Variants in NSUN6 observed in about 807,000 individuals in gnomAD.
NSUN6 encodes the protein tRNA (cytosine(72)-C(5))-methyltransferase NSUN6.
In NSUN6, 64 loss-of-function variants were observed where a neutral mutation model predicts 58.0. The ratio of observed to expected loss-of-function variants is 1.10; its 90% CI spans 0.90 to 1.36. The LOEUF (loss-of-function observed/expected upper bound fraction) is 1.36, where lower values mean the gene tolerates loss of function less well. NSUN6 is among the 40% of genes most tolerant of loss of function. The pLI is 0.00. For synonymous variants in NSUN6, 231 were observed against 193.9 expected (o/e 1.19, Z -1.59); for missense variants, 701 against 550.1 (o/e 1.27, Z -2.74).
In NSUN6 at chr10:18,548,483, C is replaced by T. The variant is rs113736340; in HGVS notation, c.1072-246G>A. Among the ~76,000 whole-genome samples the T allele has an allele frequency of 2.4e-4, 37 of 152,314 alleles. 1 individual carries two copies. The highest frequency in any genetic ancestry group is 8.4e-4 in the African/African-American group (35 of 41,574). ...CAAGACTTCCCCAAATATAATCATTCACCGTCATGCCTTTGGATACCATTT... is the reference window on the plus strand; with the variant it reads ...CAAGACTTCCCCAAATATAATCATTTACCGTCATGCCTTTGGATACCATTT... On this transcript the variant is annotated intron_variant, in intron 9 of 10. Transcript: ENST00000377304.
chr10:18,624,344 G>C (rs1249363248), intron 3 of NSUN6, among the ~76,000 whole-genome samples: 4 of 151,988 alleles, frequency 2.6e-5, no homozygotes, highest in Admixed American at 6.6e-5. Flanking sequence ...TGACAAGAGA[G>C]CCACTTTGAA....
At chr10:18,567,078 C>T (rs2056013305) in intron 8 of NSUN6, among the ~76,000 whole-genome samples, 1 of 151,400 alleles carries the variant, frequency 6.6e-6, no homozygotes, top group Non-Finnish European at 1.5e-5. Context: ...ATTCTCCATT[C>T]CATTCCATTT....
upstream of NSUN6, among the ~76,000 whole-genome samples, chr10:18,657,383 G>A (rs745624858): frequency 2.0e-5 from 3 of 152,034 alleles, no homozygotes; most frequent in African/African-American, 4.8e-5. Context: ...GGTGTTAAAA[G>A]TAAGTTAAAA....
chr10:18,622,592 T>A (rs1457659402), intron 3 of NSUN6, among the ~76,000 whole-genome samples: 2 of 152,164 alleles, frequency 1.3e-5, no homozygotes, highest in African/African-American at 4.8e-5. Context: ...CAGACGCCTG[T>A]AATTCCAGAT....
intron 8 of NSUN6, among the ~76,000 whole-genome samples, chr10:18,578,256 G>A (rs2056754942): frequency 9.0e-6 from 1 of 110,778 alleles, no homozygotes; most frequent in African/African-American, 3.5e-5. Context: ...TTTTTGAGAT[G>A]GAGTTTCACT....
At chr10:18,657,689 C>T (rs1271854260), upstream of NSUN6, among the ~76,000 whole-genome samples, 2 of 152,114 alleles carry the variant, frequency 1.3e-5, no homozygotes, top group African/African-American at 2.4e-5. Context: ...TCTCTGCTCC[C>T]TGCAACCTCT....
chr10:18,628,402 G>A (rs1279524623), intron 3 of NSUN6, among the ~76,000 whole-genome samples: 2 of 152,224 alleles, frequency 1.3e-5, no homozygotes, highest in Non-Finnish European at 2.9e-5. Context: ...AAAGCTGGAT[G>A]GAGAATGACT....
At chr10:18,553,899 G>A (rs1045751403) in intron 8 of NSUN6, among the ~76,000 whole-genome samples, 3 of 150,194 alleles carry the variant, frequency 2.0e-5, no homozygotes, top group East Asian at 2.0e-4. Flanking sequence ...GGAATGAGAT[G>A]GAGAATGGAA....
At chr10:18,559,178 G>A (rs1040651815) in intron 8 of NSUN6, among the ~76,000 whole-genome samples, 2 of 151,282 alleles carry the variant, frequency 1.3e-5, no homozygotes, top group Non-Finnish European at 1.5e-5. Context: ...ATGGAGAATA[G>A]AATGGAATGG....
intron 2 of NSUN6, among the ~76,000 whole-genome samples, chr10:18,648,056 T>C (rs1564849740): frequency 6.6e-6 from 1 of 152,182 alleles, no homozygotes; most frequent in Non-Finnish European, 1.5e-5. Context: ...TATTTTTTTA[T>C]GTCAATTAAC....
intron 9 of NSUN6, among the ~76,000 whole-genome samples, chr10:18,551,041 T>TA (rs988247645): frequency 3.9e-5 from 6 of 152,036 alleles, no homozygotes; most frequent in South Asian, 2.1e-4. Context: ...TCTATTTTTT[T>TA]AAAAAAAAGA....
chr10:18,618,999 G>A (rs1001216528), intron 3 of NSUN6, among the ~76,000 whole-genome samples: 4 of 152,090 alleles, frequency 2.6e-5, no homozygotes, highest in Non-Finnish European at 4.4e-5. Context: ...GAACATGCCC[G>A]ATCTCAGCTG....
At chr10:18,622,142 C>T (rs2058630415) in intron 3 of NSUN6, among the ~76,000 whole-genome samples, 1 of 151,964 alleles carries the variant, frequency 6.6e-6, no homozygotes, top group Admixed American at 6.6e-5. Context: ...CATGCTGAAA[C>T]CCGAACTCAA....
intron 3 of NSUN6, among the ~76,000 whole-genome samples, chr10:18,640,730 C>T (rs2059366382): frequency 2.0e-5 from 3 of 152,020 alleles, no homozygotes; most frequent in Admixed American, 2.0e-4. Flanking sequence ...CATTTAAGAT[C>T]TCTTCGTTTC....
intron 2 of NSUN6, among the ~76,000 whole-genome samples, chr10:18,647,199 G>A (rs771473342): frequency 6.6e-6 from 1 of 152,086 alleles, no homozygotes; most frequent in Non-Finnish European, 1.5e-5. Context: ...TTTTTAAAAG[G>A]GGATAAGTGA....
At chr10:18,642,890 G>A (rs12777777) in intron 2 of NSUN6, among the ~76,000 whole-genome samples, 1 of 152,082 alleles carries the variant, frequency 6.6e-6, no homozygotes. Context: ...AAAAGTTTCT[G>A]AATAAGATGT....
chr10:18,616,074 G>A lies in NSUN6; in HGVS notation c.421+110C>T, dbSNP rs866828852. The A allele has an allele frequency of 7.6e-6, 5 of 653,700 alleles. No homozygotes were observed. In the East Asian group the frequency reaches 8.5e-5, roughly 11 times the overall value. 40.5% of individuals were successfully genotyped at this position (653,700 alleles called of 1,614,324 possible). Reference sequence around the variant, plus strand: ...TAAATGCAAAGCTGGAAAAATACCCGACCAAGAAAAATTTGGAATATATCT... The same window carrying A: ...TAAATGCAAAGCTGGAAAAATACCCAACCAAGAAAAATTTGGAATATATCT... On this transcript the variant is annotated intron_variant, in intron 4 of 10. Coordinates refer to ENST00000377304, the MANE Select transcript of NSUN6 (RefSeq NM_182543.5).
chr10:18,568,025 C>G (rs1043302982), intron 8 of NSUN6, among the ~76,000 whole-genome samples: 6 of 150,620 alleles, frequency 4.0e-5, no homozygotes, highest in African/African-American at 1.5e-4. Context: ...GCATGCCATT[C>G]TATTCTCCAT....
At chr10:18,562,524 G>A (rs1359081043) in intron 8 of NSUN6, among the ~76,000 whole-genome samples, 1 of 148,570 alleles carries the variant, frequency 6.7e-6, no homozygotes, top group Non-Finnish European at 1.5e-5. Context: ...GAATGGAATA[G>A]AATGGAATGG....
Sources: gnomAD v4.1 joint callset for allele counts (sites outside exome capture counted in the v4.1 genomes callset) on GRCh38, gnomAD v4.1.1 for gene constraint, MANE v1.5 for transcripts, NCBI Gene and HGNC (gene_info 2026-07-23, HGNC 2026-07-21) for gene names.